The following COG5 variants were observed in gnomAD, a reference collection of about 807,000 sequenced individuals.
COG5 encodes the protein conserved oligomeric Golgi complex subunit 5.
Under a neutral mutation model 110.4 loss-of-function variants are expected in COG5, and 86 were observed. The ratio of observed to expected loss-of-function variants is 0.78; its 90% CI spans 0.65 to 0.93. The LOEUF is 0.93. Ranked by LOEUF, COG5 falls within the 40% of genes least tolerant of loss-of-function variation. The pLI, the probability that COG5 is intolerant of heterozygous loss-of-function variation, is 0.00. For missense variants in COG5, 1,077 were observed against 987.0 expected (o/e 1.09, Z -1.22); for synonymous variants, 360 against 334.6 (o/e 1.08, Z -0.83).
At chr7:107,230,825 C>A in intron 18 of COG5, 134 bp from the exon 19 acceptor site, 1 of 694,844 alleles carries the variant, frequency 1.4e-6, no homozygotes. Context: ...GTTGTGATGG[C>A]CAACTAAATT....
intron 6 of COG5, among the ~76,000 whole-genome samples, chr7:107,514,368 ACAT>A (rs1247022288): frequency 3.5e-5 from 5 of 144,746 alleles, no homozygotes; most frequent in South Asian, 4.3e-4. Context: ...ACACACACAC[ACAT>A]ATTTTATATT....
chr7:107,438,881 G>A (rs1794532871), intron 6 of COG5, among the ~76,000 whole-genome samples: 2 of 152,162 alleles, frequency 1.3e-5, no homozygotes, highest in Admixed American at 6.5e-5. Flanking sequence ...TTTCAAGTAG[G>A]CATTGTTTTC....
intron 6 of COG5, among the ~76,000 whole-genome samples, chr7:107,509,855 ATTTTGTCACC>A (rs201038486): frequency 0.089 from 13,594 of 152,146 alleles, 1,456 homozygotes; most frequent in African/African-American, 0.26. Context: ...ATGCTGAGAG[ATTTTGTCACC>A]ACCAGGCCTG....
chr7:107,408,707 A>T (rs1278513582), intron 7 of COG5, among the ~76,000 whole-genome samples: 1 of 152,204 alleles, frequency 6.6e-6, no homozygotes, highest in Non-Finnish European at 1.5e-5. Flanking sequence ...CCCTAGCATT[A>T]TGAGTGCCAA....
chr7:107,295,308 GT>G (rs1366206681), intron 12 of COG5, among the ~76,000 whole-genome samples: 1 of 150,816 alleles, frequency 6.6e-6, no homozygotes, highest in African/African-American at 2.4e-5. Flanking sequence ...ATTTCTCATG[GT>G]TGATTCTTCC....
chr7:107,234,157 T>C (rs965917913), intron 18 of COG5, among the ~76,000 whole-genome samples: 1 of 152,182 alleles, frequency 6.6e-6, no homozygotes, highest in Non-Finnish European at 1.5e-5. Context: ...AACAAAGGAA[T>C]CTGCTTTTCA....
intron 1 of COG5, among the ~76,000 whole-genome samples, chr7:107,563,034 G>T (rs968356056): frequency 6.6e-6 from 1 of 152,176 alleles, no homozygotes; most frequent in Non-Finnish European, 1.5e-5. Flanking sequence ...TTAAGAACAG[G>T]TGAGAAGGGC....
chr7:107,330,314 A>G (rs533179193), intron 10 of COG5, among the ~76,000 whole-genome samples: 27 of 152,346 alleles, frequency 1.8e-4, no homozygotes, highest in Non-Finnish European at 3.4e-4. Flanking sequence ...AATAAAACTA[A>G]ACAGACACAT....
At chr7:107,404,293 T>C (rs1283524353) in intron 7 of COG5, among the ~76,000 whole-genome samples, 28 of 152,210 alleles carry the variant, frequency 1.8e-4, no homozygotes, top group Admixed American at 1.8e-3. Context: ...TAATATGATG[T>C]AATTTTTCAA....
intron 1 of COG5, among the ~76,000 whole-genome samples, chr7:107,559,517 G>A (rs1803607816): frequency 6.6e-6 from 1 of 152,188 alleles, no homozygotes; most frequent in Non-Finnish European, 1.5e-5. Flanking sequence ...CTTCTCCAGT[G>A]TCTGAACAAT....
chr7:107,326,847 A>T (rs918004559), intron 10 of COG5, among the ~76,000 whole-genome samples: 2 of 152,162 alleles, frequency 1.3e-5, no homozygotes, highest in Admixed American at 6.5e-5. Context: ...AAAAACAAAC[A>T]AACAAAGCTA....
At chr7:107,438,609 T>C (rs1794510945) in intron 6 of COG5, among the ~76,000 whole-genome samples, 1 of 152,190 alleles carries the variant, frequency 6.6e-6, no homozygotes, top group Admixed American at 6.5e-5. Flanking sequence ...TGAGAAGTTA[T>C]ATTTCCTGCC....
intron 6 of COG5, among the ~76,000 whole-genome samples, chr7:107,525,172 C>T (rs1013227279): frequency 2.6e-5 from 4 of 151,824 alleles, no homozygotes; most frequent in East Asian, 1.9e-4. Flanking sequence ...ATGATCCGCC[C>T]GCCTCAGCCT....
At chr7:107,527,400 T>A in intron 5 of COG5, 43 bp from the exon 6 acceptor site, 1 of 1,604,766 alleles carries the variant, frequency 6.2e-7, no homozygotes. Flanking sequence ...TCCATGAAGT[T>A]TTATTACTAT....
At chr7:107,297,871 A>G (rs967410282) in intron 12 of COG5, among the ~76,000 whole-genome samples, 1 of 152,172 alleles carries the variant, frequency 6.6e-6, no homozygotes, top group African/African-American at 2.4e-5. Context: ...CAATGACCAC[A>G]GCATGATCAT....
At chr7:107,317,263 T>A (rs933721483) in intron 11 of COG5, among the ~76,000 whole-genome samples, 35 of 152,102 alleles carry the variant, frequency 2.3e-4, no homozygotes, top group African/African-American at 7.7e-4. Flanking sequence ...ATACCCTTCC[T>A]TCTATCCCCT....
At chr7:107,507,476 T>G (rs1266420968) in intron 6 of COG5, among the ~76,000 whole-genome samples, 1 of 149,014 alleles carries the variant, frequency 6.7e-6, no homozygotes, top group African/African-American at 2.5e-5. Context: ...TGTATTTTTT[T>G]TTTTTTTTTT....
chr7:107,507,964 C>T (rs1003430857), intron 6 of COG5, among the ~76,000 whole-genome samples: 7 of 152,184 alleles, frequency 4.6e-5, no homozygotes, highest in South Asian at 4.1e-4. Flanking sequence ...ACGCAGAAGA[C>T]GGGTGATTTC....
chr7:107,525,034 T>C (rs1027979915), intron 6 of COG5, among the ~76,000 whole-genome samples: 1 of 152,100 alleles, frequency 6.6e-6, no homozygotes, highest in Non-Finnish European at 1.5e-5. Context: ...TTCAAGTGAT[T>C]CTCCTACCTC....
Sources: allele counts gnomAD v4.1 joint callset (sites outside exome capture counted in the v4.1 genomes callset), GRCh38; gene constraint gnomAD v4.1.1; transcripts MANE v1.5; gene names NCBI Gene and HGNC (gene_info 2026-07-23, HGNC 2026-07-21).